The following MASP2 variants were observed in gnomAD, a reference collection of about 807,000 sequenced individuals.
MASP2 encodes MBL associated serine protease 2, also known as mannan-binding lectin serine protease 2.
In MASP2, 49 loss-of-function variants were observed where a neutral mutation model predicts 57.1. The observed-to-expected ratio is 0.86, with a 90% confidence interval of 0.68 to 1.09. The LOEUF is 1.09. MASP2 is among the 50% of genes least tolerant of loss of function. MASP2 has a pLI of 0.00. For missense variants in MASP2, 900 were observed against 874.8 expected, an observed-to-expected ratio of 1.03 and a Z score of -0.36; for synonymous variants, 379 against 340.8, an observed-to-expected ratio of 1.11 and a Z score of -1.24.
At position 11,045,528 on chromosome 1, in the gene MASP2, A is replaced by G. The variant is rs778677036; in HGVS notation, c.424T>C (p.Cys142Arg). The G allele has an allele frequency of 6.2e-7, 1 of 1,607,108 alleles. No homozygotes were observed. Among genetic ancestry groups the G allele is most frequent in the Non-Finnish European group, 8.5e-7 (1 of 1,178,162 alleles). The change falls in exon 4 of 11, where the codon TGC becomes CGC. Residue 142 changes from cysteine (C) to arginine (R), a missense_variant. Coordinates refer to ENST00000400897, the MANE Select transcript of MASP2 (RefSeq NM_006610.4). ...GGCGCCTCTCCCGGGGCCACCTGGC[A>G]CTCGTCAATGTCTGGGGGAGAGGCA... ...AFYAAEDIDE[C>R]QVAPGEAPTC...
chr1:11,032,430 G>A (rs1643860993), intron 8 of MASP2, among the ~76,000 whole-genome samples: 1 of 151,994 alleles, frequency 6.6e-6, no homozygotes, highest in Non-Finnish European at 1.5e-5. Flanking sequence ...TGGGCAACAT[G>A]GTGAAACCCT....
Position 11,030,760 on chromosome 1 carries a change from T to G in MASP2, c.1210A>C (p.Lys404Gln). Residue 404 changes from lysine to glutamine, a missense_variant, in exon 9 of 11, where the codon AAA becomes CAA. By Grantham distance (53) the Lys-to-Gln change is moderately conservative. Transcript: ENST00000400897. ...YSCEETFYTM[K>Q]VNDGKYVCEA... is the part of the protein sequence containing the mutation. ...AGAATTTGCATACCATCATTCACTTTCATTGTGTAGAAGGTCTCTTCACAG... is the reference window on the plus strand; with the variant it reads ...AGAATTTGCATACCATCATTCACTTGCATTGTGTAGAAGGTCTCTTCACAG... The G allele has an allele frequency of 6.2e-7, 1 of 1,606,602 alleles. No homozygotes were observed. The highest frequency in any genetic ancestry group is 8.5e-7 in the Non-Finnish European group (1 of 1,177,930).
chr1:11,030,983 C>T, intron 8 of MASP2, 101 bp from the exon 9 acceptor site: 1 of 1,252,686 alleles, frequency 8.0e-7, no homozygotes, highest in East Asian at 2.6e-5. Flanking sequence ...CGGGCAAATC[C>T]CTTGAGCTCA....
chr1:11,032,137 G>A (rs1012939076), intron 8 of MASP2, among the ~76,000 whole-genome samples: 17 of 151,990 alleles, frequency 1.1e-4, no homozygotes, highest in Non-Finnish European at 1.0e-4. Flanking sequence ...TGAGGAGGCT[G>A]AGACAGGAGG....
intron 6 of MASP2, among the ~76,000 whole-genome samples, chr1:11,038,685 C>T (rs1638325789): frequency 6.6e-6 from 1 of 152,238 alleles, no homozygotes; most frequent in Admixed American, 6.5e-5. Flanking sequence ...AGCTCTCAGT[C>T]CCATGCAGGT....
At chr1:11,029,943 GC>G (rs1165677122) in intron 10 of MASP2, 1 of 376,188 alleles carries the variant, frequency 2.7e-6, no homozygotes, top group Non-Finnish European at 4.8e-6. Context: ...AATTTTTTAT[GC>G]TTGCCTAGTT....
rs750225564 is a variant in MASP2 at position 11,046,735 on chromosome 1, T to C, written c.235-2A>G. The C allele has an allele frequency of 7.1e-5, 115 of 1,611,190 alleles. 1 individual carries two copies. The highest frequency in any genetic ancestry group is 9.0e-5 in the Non-Finnish European group (106 of 1,179,118). On this transcript the variant is annotated splice_acceptor_variant, in intron 2 of 10. Coordinates refer to ENST00000400897, the MANE Select transcript of MASP2 (RefSeq NM_006610.4). LOFTEE classifies it high-confidence loss of function. ...CAGCACCTTGGCCCCCGAGCTCAGC[T>C]GTGGGGTCAGGTGTCACAGGGAGTG...
In MASP2 at chr1:11,034,846, G is replaced by A; in HGVS notation, c.1069C>T (p.Pro357Ser). ...ACCGTACTGCTGCACGCGGGCATTG[G>A]CCGGTCCCAAGATCCATCTTTCTGA... is the stretch of plus-strand genomic sequence containing the variant. ...VCQKDGSWDR[P>S]MPACSIVDCG... The change falls in exon 8 of 11, where the codon CCA (proline) becomes TCA (serine). Residue 357 changes from proline to serine, a missense_variant. Physicochemically the swap from Pro to Ser is moderately conservative, Grantham distance 74. Coordinates refer to ENST00000400897, the MANE Select transcript of MASP2 (RefSeq NM_006610.4). 6.2e-7 allele frequency: 1 copy of A among 1,612,702 alleles called. No homozygotes were observed. Among genetic ancestry groups the A allele is most frequent in the Non-Finnish European group, 8.5e-7 (1 of 1,179,420 alleles).
At chr1:11,045,569 T>C (rs377715799) in intron 3 of MASP2, 30 bp from the exon 4 acceptor site, 21 of 1,587,358 alleles carry the variant, frequency 1.3e-5, no homozygotes, top group Non-Finnish European at 1.7e-5. Context: ...AGGCAGGCCG[T>C]CAGGAGGGAA....
chr1:11,046,628 C>T lies in MASP2; in HGVS notation c.340G>A (p.Asp114Asn), dbSNP rs770349208. ...GAGTAGTCGGAGCGGAAGGTAATGTCCAGGCTGGAGCCCAGCGAGTAGAAA... is the reference window on the plus strand; with the variant it reads ...GAGTAGTCGGAGCGGAAGGTAATGTTCAGGCTGGAGCCCAGCGAGTAGAAA... ...DTFYSLGSSL[D>N]ITFRSDYSNE... Residue 114 changes from aspartate (D) to asparagine (N), a missense_variant, in exon 3 of 11, where the codon GAC (aspartate) becomes AAC (asparagine). Transcript: ENST00000400897. The T allele has an allele frequency of 6.2e-7, 1 of 1,613,726 alleles. No homozygotes were observed. Among genetic ancestry groups the T allele is most frequent in the Admixed American group, 1.7e-5 (1 of 60,024 alleles).
At chr1:11,039,333 GAT>G (rs1488891229) in intron 6 of MASP2, among the ~76,000 whole-genome samples, 16 of 2,186 alleles carry the variant, frequency 7.3e-3, no homozygotes, top group African/African-American at 0.036. Context: ...AAGGATGGTG[GAT>G]GGATGGATGG....
At position 11,027,562 on chromosome 1, in the gene MASP2, T is replaced by G; in HGVS notation, c.1384A>C (p.Ile462Leu). The G allele has an allele frequency of 1.2e-6, 2 of 1,614,170 alleles. No homozygotes were observed. Among genetic ancestry groups the G allele is most frequent in the Non-Finnish European group, 1.7e-6 (2 of 1,180,020 alleles). ...CCTGCTGCTGTGGTTCCACCTAATA[T>G]CAGGACTTGCCAAGGAAAATCACCA... ...KPGDFPWQVL[I>L]LGGTTAAGAL... The change falls in exon 11 of 11, where the codon ATA becomes CTA. Residue 462 changes from isoleucine to leucine, a missense_variant. Coordinates refer to ENST00000400897, the MANE Select transcript of MASP2 (RefSeq NM_006610.4).
At chr1:11,040,480 A>C (rs968671474) in intron 6 of MASP2, among the ~76,000 whole-genome samples, 2 of 151,260 alleles carry the variant, frequency 1.3e-5, no homozygotes, top group Non-Finnish European at 2.9e-5. Context: ...AAAAAAAAAA[A>C]AAAACGGATG....
intron 7 of MASP2, among the ~76,000 whole-genome samples, chr1:11,036,510 C>CAAAAA (rs35642467): frequency 4.8e-4 from 26 of 54,344 alleles, no homozygotes; most frequent in South Asian, 1.3e-3. Flanking sequence ...GACTCCGTCT[C>CAAAAA]AAAAAAAAAA....
Position 11,045,535 on chromosome 1 carries a change from A to G in MASP2, c.417T>C (p.Ile139=), listed in dbSNP as rs1202031852. The G allele has an allele frequency of 1.9e-6, 3 of 1,605,964 alleles. No homozygotes were observed. Among genetic ancestry groups the G allele is most frequent in the Non-Finnish European group, 2.5e-6 (3 of 1,177,744 alleles). ...CTCCCGGGGCCACCTGGCACTCGTC[A>G]ATGTCTGGGGGAGAGGCAGGGCCAG... ...GFEAFYAAED[I]DECQVAPGEA... Residue 139 remains isoleucine, a synonymous_variant, in exon 4 of 11, where the codon ATT becomes ATC. Transcript: ENST00000400897.
At chr1:11,028,246 CAG>C (rs1643774048) in intron 10 of MASP2, among the ~76,000 whole-genome samples, 1 of 151,902 alleles carries the variant, frequency 6.6e-6, no homozygotes. Context: ...GGAAAATTAA[CAG>C]GGCAAGCAGG....
At chr1:11,035,532 A>ATCT (rs1210688710) in intron 7 of MASP2, among the ~76,000 whole-genome samples, 1 of 150,690 alleles carries the variant, frequency 6.6e-6, no homozygotes, top group East Asian at 2.0e-4. Context: ...GTCTCAAATC[A>ATCT]TCATCATCAT....
At chr1:11,042,400 ATGGATGGATGGATGGATGG>A (rs1638487209) in intron 6 of MASP2, among the ~76,000 whole-genome samples, 2 of 23,828 alleles carry the variant, frequency 8.4e-5, no homozygotes, top group Admixed American at 1.4e-3. Flanking sequence ...GATGGATTGG[ATGGATGGATGGATGGATGG>A]ATGGATGGAT....
At chr1:11,040,576 AG>A (rs1317365140) in intron 6 of MASP2, among the ~76,000 whole-genome samples, 2 of 144,314 alleles carry the variant, frequency 1.4e-5, no homozygotes, top group Non-Finnish European at 3.0e-5. Context: ...TAGGATTGGT[AG>A]GTAGAATAAT....
Sources: allele counts gnomAD v4.1 joint callset (sites outside exome capture counted in the v4.1 genomes callset), GRCh38; gene constraint gnomAD v4.1.1; transcripts MANE v1.5; gene names NCBI Gene and HGNC (gene_info 2026-07-23, HGNC 2026-07-21).